MAGI1: variants seen among roughly 807,000 people sequenced by gnomAD.
The protein encoded by MAGI1 is membrane-associated guanylate kinase, WW and PDZ domain-containing protein 1.
A neutral mutation model predicts 139.9 loss-of-function variants in MAGI1; 58 were observed. The ratio of observed to expected loss-of-function variants is 0.41; its 90% CI spans 0.34 to 0.52. The LOEUF (loss-of-function observed/expected upper bound fraction) is 0.52, where lower values mean the gene tolerates loss of function less well. MAGI1 is among the 20% of genes least tolerant of loss of function. The pLI is 0.12. For synonymous variants in MAGI1, 812 were observed against 737.9 expected (o/e 1.10, Z -1.63); for missense variants, 1,874 against 1,901.6 (o/e 0.99, Z 0.27).
intron 10 of MAGI1, 26 bp downstream of exon 10, chr3:65,437,129 C>T: frequency 6.7e-7 from 1 of 1,491,222 alleles, no homozygotes; most frequent in Non-Finnish European, 9.2e-7. Context: ...AAAACCATGA[C>T]ACAATTAGAA....
At chr3:65,558,079 TC>T (rs2080171100) in intron 2 of MAGI1, among the ~76,000 whole-genome samples, 1 of 152,162 alleles carries the variant, frequency 6.6e-6, no homozygotes, top group African/African-American at 2.4e-5. Context: ...GTCTTACAGA[TC>T]TATGAGTCCA....
Position 65,426,309 on chromosome 3 carries a change from G to C in MAGI1, c.2167+3211C>G, listed in dbSNP as rs543101626. On this transcript the variant is annotated intron_variant, in intron 12 of 22. Transcript: ENST00000402939. Reference sequence around the variant, plus strand: ...TCAACCTTCAGCTCGATTTCCAGATGAGGGAAGGGGGATGGACTAAAACTA... The same window carrying C: ...TCAACCTTCAGCTCGATTTCCAGATCAGGGAAGGGGGATGGACTAAAACTA... 2.0e-4 allele frequency among the ~76,000 whole-genome samples: 31 copies of C among 152,282 alleles called. 1 individual carries two copies. The South Asian group carries it at 6.2e-3, about 31-fold the overall frequency.
intron 10 of MAGI1, among the ~76,000 whole-genome samples, chr3:65,432,783 T>C (rs573568162): frequency 6.6e-6 from 1 of 151,876 alleles, no homozygotes; most frequent in East Asian, 1.9e-4. Flanking sequence ...GGGAGGAGGG[T>C]GACTGGCCTA....
chr3:65,469,110 C>A (rs1950387204), intron 5 of MAGI1, among the ~76,000 whole-genome samples: 1 of 152,074 alleles, frequency 6.6e-6, no homozygotes, highest in Non-Finnish European at 1.5e-5. Context: ...ACTTCTAGAA[C>A]TTTCTGTGCC....
chr3:65,521,246 T>A (rs1043923175), intron 2 of MAGI1, among the ~76,000 whole-genome samples: 10 of 151,394 alleles, frequency 6.6e-5, no homozygotes, highest in Non-Finnish European at 1.3e-4. Flanking sequence ...GAGAACTGAT[T>A]TTTAACAATA....
intron 3 of MAGI1, 28 bp downstream of exon 3, chr3:65,493,483 CT>C: frequency 1.2e-6 from 2 of 1,613,986 alleles, no homozygotes; most frequent in Non-Finnish European, 1.7e-6. Context: ...AGGAGAGAAG[CT>C]TTTTATGCTG....
At chr3:65,939,070 T>A (rs2063187913) in intron 1 of MAGI1, among the ~76,000 whole-genome samples, 1 of 152,180 alleles carries the variant, frequency 6.6e-6, no homozygotes, top group South Asian at 2.1e-4. Flanking sequence ...ATTAAAATTA[T>A]ATTGCTAAAG....
At chr3:65,530,616 G>T (rs2078603552) in intron 2 of MAGI1, among the ~76,000 whole-genome samples, 1 of 120,300 alleles carries the variant, frequency 8.3e-6, no homozygotes, top group Non-Finnish European at 1.7e-5. Context: ...ACATACGTAT[G>T]TGTGTGTGGT....
intron 14 of MAGI1, 63 bp downstream of exon 14, chr3:65,391,079 T>G: frequency 7.1e-7 from 1 of 1,404,222 alleles, no homozygotes; most frequent in Non-Finnish European, 9.9e-7. Context: ...TCAATAACCT[T>G]CAAGAGAAAG....
chr3:65,751,568 A>G (rs1368811746), intron 1 of MAGI1, among the ~76,000 whole-genome samples: 2 of 152,230 alleles, frequency 1.3e-5, no homozygotes, highest in Non-Finnish European at 1.5e-5. Context: ...CAAGAGGACA[A>G]GACAATAATC....
At chr3:65,440,293 G>A (rs898248634) in intron 8 of MAGI1, among the ~76,000 whole-genome samples, 3 of 152,224 alleles carry the variant, frequency 2.0e-5, no homozygotes, top group African/African-American at 7.2e-5. Flanking sequence ...CATATCTTAT[G>A]AATAAGGAAA....
intron 1 of MAGI1, among the ~76,000 whole-genome samples, chr3:65,818,070 C>CG (rs1381347260): frequency 6.7e-6 from 1 of 148,524 alleles, no homozygotes; most frequent in Admixed American, 6.7e-5. Context: ...GTGTGTGTGT[C>CG]TCTCTCTTTG....
intron 1 of MAGI1, among the ~76,000 whole-genome samples, chr3:65,651,403 G>A (rs1166610943): frequency 1.3e-5 from 2 of 152,192 alleles, no homozygotes; most frequent in Non-Finnish European, 2.9e-5. Context: ...CTCCATGCAA[G>A]TCCAAATCTT....
chr3:65,658,504 G>A (rs1409519408), intron 1 of MAGI1, among the ~76,000 whole-genome samples: 3 of 152,148 alleles, frequency 2.0e-5, no homozygotes, highest in African/African-American at 7.2e-5. Context: ...CTGAACAACT[G>A]AATTCTTCAG....
At chr3:65,735,356 CGTGT>C (rs368243061) in intron 1 of MAGI1, among the ~76,000 whole-genome samples, 5 of 148,068 alleles carry the variant, frequency 3.4e-5, no homozygotes, top group Non-Finnish European at 7.4e-5. Context: ...TGTGTCTGCA[CGTGT>C]GTGTGTGTGT....
intron 4 of MAGI1, among the ~76,000 whole-genome samples, chr3:65,476,262 AG>A (rs1231537732): frequency 4.6e-5 from 7 of 152,198 alleles, no homozygotes; most frequent in Non-Finnish European, 1.0e-4. Flanking sequence ...TACATTGTGA[AG>A]AGGTCCCATC....
intron 1 of MAGI1, among the ~76,000 whole-genome samples, chr3:65,646,738 A>T (rs1347779795): frequency 1.3e-5 from 2 of 152,200 alleles, no homozygotes; most frequent in Non-Finnish European, 2.9e-5. Flanking sequence ...GAAATAAATA[A>T]AAGAAAAATA....
intron 2 of MAGI1, among the ~76,000 whole-genome samples, chr3:65,583,320 C>T (rs184436850): frequency 6.3e-4 from 96 of 152,256 alleles, no homozygotes; most frequent in African/African-American, 2.2e-3. Context: ...GATGACACTA[C>T]TTTCATTACT....
intron 1 of MAGI1, among the ~76,000 whole-genome samples, chr3:65,831,469 T>C (rs1174850440): frequency 2.0e-5 from 3 of 152,202 alleles, no homozygotes; most frequent in African/African-American, 7.2e-5. Context: ...ATAAAGCATC[T>C]TATTGTATAA....
Sources: gnomAD v4.1 joint callset for allele counts (sites outside exome capture counted in the v4.1 genomes callset) on GRCh38, gnomAD v4.1.1 for gene constraint, MANE v1.5 for transcripts, NCBI Gene and HGNC (gene_info 2026-07-23, HGNC 2026-07-21) for gene names.